NRF1: variants seen among roughly 807,000 people sequenced by gnomAD.
NRF1 encodes the protein alpha palindromic-binding protein.
NRF1 carries 5 observed loss-of-function variants against 58.5 expected under a neutral mutation model. That is an observed-to-expected ratio of 0.09 (90% confidence interval 0.04 to 0.18). NRF1 has a LOEUF of 0.18. NRF1 is among the 10% of genes least tolerant of loss of function. The pLI is 1.00. For missense variants in NRF1, 288 were observed against 657.7 expected (o/e 0.44, Z 6.15); for synonymous variants, 224 against 246.7 (o/e 0.91, Z 0.86).
chr7:129,755,407 C>A lies in NRF1; in HGVS notation c.*226C>A, dbSNP rs1021112306. The A allele has an allele frequency of 1.1e-5, 5 of 467,518 alleles. No homozygotes were observed. The highest frequency in any genetic ancestry group is 1.9e-5 in the Non-Finnish European group (5 of 265,964). 29.0% of individuals were successfully genotyped at this position (467,518 alleles called of 1,614,324 possible). A position where few individuals can be genotyped will look rare whatever the true frequency, so the allele number is the denominator to read the frequency against. On this transcript the variant is annotated 3_prime_UTR_variant, in exon 11 of 11. Coordinates refer to ENST00000393232, the MANE Select transcript of NRF1 (RefSeq NM_005011.5). This position sits in a 1 kb window ranked among gnomAD's most constrained non-coding sequence, Gnocchi z 5.8. Reference sequence around the variant, plus strand: ...AACTGCATTGTCAATTTCACTGTCCCAAAAAAGCCAAATTGTGGCAGGACT... The same window carrying A: ...AACTGCATTGTCAATTTCACTGTCCAAAAAAAGCCAAATTGTGGCAGGACT...
In NRF1 at chr7:129,721,593, T is replaced by G. The variant is rs1803324822; in HGVS notation, c.1223+4217T>G. On this transcript the variant is annotated intron_variant, in intron 9 of 10. Transcript: ENST00000393232. ...GCCTCCTGGGTTCACACCATTCTCCTGCCTCGGTCTCCCAAGTAGCTGGGA... is the reference window on the plus strand; with the variant it reads ...GCCTCCTGGGTTCACACCATTCTCCGGCCTCGGTCTCCCAAGTAGCTGGGA... 2.0e-5 allele frequency among the ~76,000 whole-genome samples: 3 copies of G among 152,022 alleles called. No homozygotes were observed. The East Asian group carries it at 5.8e-4, about 29-fold the overall frequency.
At chr7:129,645,055 A>G (rs576680917) in intron 1 of NRF1, among the ~76,000 whole-genome samples, 1 of 152,242 alleles carries the variant, frequency 6.6e-6, no homozygotes, top group African/African-American at 2.4e-5. Flanking sequence ...GTAAAAAAAA[A>G]AAAAAAAATC....
rs1449833987 is a variant in NRF1 at position 129,709,146 on chromosome 7, A to G, written c.678A>G (p.Lys226=). ...GTCGGGGAAAACCAGGCTGGGGGAA[A>G]GAAAGCTGCAAGCCCATCTGGTGGC... ...STGRGKPGWG[K]ESCKPIWWPE... Residue 226 remains lysine (K), a synonymous_variant, in exon 6 of 11, where the codon AAA becomes AAG. Coordinates refer to ENST00000393232, the MANE Select transcript of NRF1 (RefSeq NM_005011.5). The G allele has an allele frequency of 6.9e-6, 11 of 1,598,190 alleles. No individual in the cohort carries two copies. Among genetic ancestry groups the G allele is most frequent in the Non-Finnish European group, 9.4e-6 (11 of 1,171,516 alleles).
At chr7:129,616,491 T>A (rs1800662801) in intron 1 of NRF1, among the ~76,000 whole-genome samples, 1 of 152,220 alleles carries the variant, frequency 6.6e-6, no homozygotes, top group Non-Finnish European at 1.5e-5. Context: ...TTTGAGCTAT[T>A]CAGGAGGCTG....
At chr7:129,719,839 TG>T (rs1440491093) in intron 9 of NRF1, among the ~76,000 whole-genome samples, 1 of 152,134 alleles carries the variant, frequency 6.6e-6, no homozygotes, top group Non-Finnish European at 1.5e-5. Context: ...GACTGTAGCT[TG>T]GGGTCTAACA....
intron 3 of NRF1, among the ~76,000 whole-genome samples, chr7:129,673,457 C>T (rs558440730): frequency 2.2e-4 from 33 of 152,240 alleles, no homozygotes; most frequent in South Asian, 1.2e-3. Flanking sequence ...GGGTCGGGCG[C>T]GGTGGCTCAC....
At chr7:129,736,625 C>A (rs1037557500) in intron 10 of NRF1, among the ~76,000 whole-genome samples, 3 of 108,470 alleles carry the variant, frequency 2.8e-5, no homozygotes, top group Admixed American at 1.3e-4. Flanking sequence ...TTTTTGGTAT[C>A]TATAGCTTTT....
intron 10 of NRF1, among the ~76,000 whole-genome samples, chr7:129,739,161 T>C (rs1803790567): frequency 6.6e-6 from 1 of 152,260 alleles, no homozygotes; most frequent in East Asian, 1.9e-4. Flanking sequence ...TAGCTACATG[T>C]GGCTATTTGA....
intron 2 of NRF1, among the ~76,000 whole-genome samples, chr7:129,665,762 G>A (rs983831778): frequency 1.3e-5 from 2 of 151,976 alleles, no homozygotes; most frequent in East Asian, 1.9e-4. Flanking sequence ...ACAGGTGCAC[G>A]CCACCATGCC....
chr7:129,687,514 G>A (rs1802469123), intron 4 of NRF1, among the ~76,000 whole-genome samples: 1 of 152,112 alleles, frequency 6.6e-6, no homozygotes, highest in African/African-American at 2.4e-5. Context: ...GACCTCAGGT[G>A]ATCTGCCCGC....
chr7:129,718,130 T>C (rs1434922510), intron 9 of NRF1, among the ~76,000 whole-genome samples: 1 of 152,222 alleles, frequency 6.6e-6, no homozygotes, highest in African/African-American at 2.4e-5. Context: ...CCTGCCTGGT[T>C]CTTTCTACTG....
intron 4 of NRF1, among the ~76,000 whole-genome samples, chr7:129,684,614 A>G (rs1446406965): frequency 6.6e-6 from 1 of 152,174 alleles, no homozygotes; most frequent in Non-Finnish European, 1.5e-5. Context: ...CTTATACCCT[A>G]GTCTTATTAT....
chr7:129,613,016 A>G (rs151026053), intron 1 of NRF1, among the ~76,000 whole-genome samples: 19 of 152,318 alleles, frequency 1.2e-4, no homozygotes, highest in African/African-American at 4.6e-4. Context: ...GCTGGTGTCA[A>G]TCGTGCTGAT....
intron 10 of NRF1, among the ~76,000 whole-genome samples, chr7:129,728,464 G>A (rs902592937): frequency 2.5e-4 from 23 of 92,320 alleles, no homozygotes; most frequent in Non-Finnish European, 3.4e-4. Context: ...ATGAGACTCC[G>A]TCTCAAAAAA....
chr7:129,612,140 C>G (rs1377097461), intron 1 of NRF1, among the ~76,000 whole-genome samples: 1 of 150,594 alleles, frequency 6.6e-6, no homozygotes, highest in African/African-American at 2.4e-5. Flanking sequence ...CCGCGGCCTT[C>G]TCCCCGCCGT....
At chr7:129,654,492 T>C (rs1279988753) in intron 1 of NRF1, among the ~76,000 whole-genome samples, 1 of 152,214 alleles carries the variant, frequency 6.6e-6, no homozygotes, top group Non-Finnish European at 1.5e-5. Context: ...ATTTTTTGCT[T>C]TTATGGATTG....
chr7:129,645,046 TAAAA>T (rs201771420), intron 1 of NRF1, among the ~76,000 whole-genome samples: 13 of 136,398 alleles, frequency 9.5e-5, no homozygotes, highest in Admixed American at 2.2e-4. Flanking sequence ...TCACCCAGTG[TAAAA>T]AAAAAAAAAA....
chr7:129,704,022 A>G (rs1474074758), intron 5 of NRF1, among the ~76,000 whole-genome samples: 1 of 151,610 alleles, frequency 6.6e-6, no homozygotes, highest in Non-Finnish European at 1.5e-5. Flanking sequence ...GACAATTTCC[A>G]TTAGTAATCT....
intron 5 of NRF1, among the ~76,000 whole-genome samples, chr7:129,696,418 A>G (rs554902211): frequency 6.6e-5 from 10 of 152,278 alleles, no homozygotes; most frequent in African/African-American, 2.4e-4. Flanking sequence ...AGTTCTTTAC[A>G]GGGGCATCTC....
Sources: gnomAD v4.1 joint callset for allele counts (sites outside exome capture counted in the v4.1 genomes callset) on GRCh38, gnomAD v4.1.1 for gene constraint, Gnocchi (gnomAD v3.1) non-coding constraint, MANE v1.5 for transcripts, NCBI Gene and HGNC (gene_info 2026-07-23, HGNC 2026-07-21) for gene names.